Variants in RGS6 observed in about 807,000 individuals in gnomAD.
The protein encoded by RGS6 is regulator of G protein signaling 6.
Under a neutral mutation model 78.5 loss-of-function variants are expected in RGS6, and 30 were observed. That is an observed-to-expected ratio of 0.38 (90% CI 0.29 to 0.52). RGS6 has a LOEUF of 0.52. Ranked by LOEUF, RGS6 falls within the 20% of genes least tolerant of loss-of-function variation. The probability of loss-of-function intolerance (pLI) is 0.85; values close to 1 mark genes in which losing one functional copy is unlikely to be tolerated. For synonymous variants in RGS6, 206 were observed against 206.0 expected (o/e 1.00, Z 0.00); for missense variants, 495 against 609.7 (o/e 0.81, Z 1.98).
intron 2 of RGS6, among the ~76,000 whole-genome samples, chr14:72,075,309 T>G (rs2094537456): frequency 6.6e-6 from 1 of 152,210 alleles, no homozygotes; most frequent in Non-Finnish European, 1.5e-5. Flanking sequence ...AGACTCGGTT[T>G]CCTTATTTCC....
intron 2 of RGS6, among the ~76,000 whole-genome samples, chr14:72,131,763 T>C (rs1245784544): frequency 6.6e-6 from 1 of 152,222 alleles, no homozygotes; most frequent in Admixed American, 6.5e-5. Context: ...AAGCATTCCC[T>C]TCCTATTATT....
At chr14:72,450,901 T>C (rs189285047) in intron 3 of RGS6, among the ~76,000 whole-genome samples, 1 of 152,306 alleles carries the variant, frequency 6.6e-6, no homozygotes, top group East Asian at 1.9e-4. Context: ...ACTGTAAATG[T>C]TTTAAAGGAC....
At chr14:72,217,138 C>T (rs780887999) in intron 2 of RGS6, among the ~76,000 whole-genome samples, 5 of 152,098 alleles carry the variant, frequency 3.3e-5, no homozygotes, top group Non-Finnish European at 7.4e-5. Flanking sequence ...AAAGTGCCCC[C>T]CAAGAGTTAA....
intron 2 of RGS6, among the ~76,000 whole-genome samples, chr14:72,006,051 T>C (rs1274796801): frequency 6.6e-6 from 1 of 152,088 alleles, no homozygotes; most frequent in Non-Finnish European, 1.5e-5. Flanking sequence ...GGCTATAAAA[T>C]TTACCAAGCA....
chr14:72,315,759 A>G (rs2069978498), intron 2 of RGS6, among the ~76,000 whole-genome samples: 1 of 152,200 alleles, frequency 6.6e-6, no homozygotes, highest in Non-Finnish European at 1.5e-5. Flanking sequence ...TGAAGAGCCA[A>G]GACCCTTAGA....
chr14:71,966,434 C>T (rs728497), intron 2 of RGS6, among the ~76,000 whole-genome samples: 30,201 of 152,170 alleles, frequency 0.2, 3,205 homozygotes, highest in African/African-American at 0.28. Flanking sequence ...TGGGACTCAG[C>T]AATTAGTGAA....
At position 72,153,860 on chromosome 14, in the gene RGS6, A is replaced by T. The variant is rs143460024; in HGVS notation, c.84+188985A>T. Among the ~76,000 whole-genome samples the T allele has an allele frequency of 4.5e-3, 691 of 152,294 alleles. 7 individuals are homozygous for T. Among genetic ancestry groups the T allele is most frequent in the African/African-American group, 0.016 (653 of 41,542 alleles). On this transcript the variant is annotated intron_variant, in intron 2 of 17. Transcript: ENST00000553525. The stretch of plus-strand genomic sequence containing the variant: ...GTCTATGTTCAGTGGTGCACGTATT[A>T]TCTTGATAAACATCTTAAACAACAG...
chr14:72,503,531 A>G (rs1398727104), intron 13 of RGS6, among the ~76,000 whole-genome samples: 2 of 152,172 alleles, frequency 1.3e-5, no homozygotes, highest in African/African-American at 4.8e-5. Context: ...CTTCCAAACT[A>G]CAATGGTGGG....
At chr14:71,982,554 C>T (rs1267487481) in intron 2 of RGS6, among the ~76,000 whole-genome samples, 31 of 152,144 alleles carry the variant, frequency 2.0e-4, no homozygotes, top group Admixed American at 2.0e-3. Flanking sequence ...CTGTAGGGAG[C>T]CCTTCTGGTT....
intron 10 of RGS6, among the ~76,000 whole-genome samples, chr14:72,475,357 C>T (rs1384790855): frequency 2.0e-5 from 3 of 151,934 alleles, no homozygotes; most frequent in Non-Finnish European, 4.4e-5. Context: ...CAGACTCCCC[C>T]ACGATTCATA....
the RGS6 span, among the ~76,000 whole-genome samples, chr14:71,905,213 C>T: frequency 2.0e-5 from 3 of 152,210 alleles, no homozygotes; most frequent in Non-Finnish European, 4.4e-5. Context: ...GAGAGCTACA[C>T]GGACTTCTCA....
chr14:72,608,719 C>T, the RGS6 span, among the ~76,000 whole-genome samples: 186 of 152,304 alleles, frequency 1.2e-3, no homozygotes, highest in Admixed American at 4.2e-3. Context: ...GCCCACTGTG[C>T]CCATGAAAGC....
intron 3 of RGS6, among the ~76,000 whole-genome samples, chr14:72,439,440 T>A (rs1718081948): frequency 6.6e-6 from 1 of 152,244 alleles, no homozygotes; most frequent in South Asian, 2.1e-4. Context: ...GTGTGAGGCC[T>A]TTGTGAGCTC....
chr14:72,404,456 C>T (rs957659584), intron 3 of RGS6, among the ~76,000 whole-genome samples: 1 of 152,156 alleles, frequency 6.6e-6, no homozygotes, highest in African/African-American at 2.4e-5. Flanking sequence ...TGAGAACCAC[C>T]CTTTACCCCA....
At chr14:72,302,995 C>G (rs1316388552) in intron 2 of RGS6, among the ~76,000 whole-genome samples, 1 of 152,226 alleles carries the variant, frequency 6.6e-6, no homozygotes, top group Non-Finnish European at 1.5e-5. Flanking sequence ...CATGCCTTTG[C>G]TCCTCCTTTG....
At chr14:72,276,873 A>T (rs1262382605) in intron 2 of RGS6, among the ~76,000 whole-genome samples, 1 of 152,158 alleles carries the variant, frequency 6.6e-6, no homozygotes, top group African/African-American at 2.4e-5. Flanking sequence ...ATATTGAAAA[A>T]AAAAAAGTTG....
At chr14:72,014,226 A>G (rs2086477971) in intron 2 of RGS6, among the ~76,000 whole-genome samples, 1 of 152,208 alleles carries the variant, frequency 6.6e-6, no homozygotes, top group Non-Finnish European at 1.5e-5. Context: ...TAATGTTGAC[A>G]GTTAAGAGAG....
At chr14:72,198,532 A>G (rs1303474471) in intron 2 of RGS6, among the ~76,000 whole-genome samples, 4 of 152,206 alleles carry the variant, frequency 2.6e-5, no homozygotes, top group Non-Finnish European at 1.5e-5. Flanking sequence ...TGGGTTTTCT[A>G]TTAGAGTAAG....
intron 2 of RGS6, among the ~76,000 whole-genome samples, chr14:71,988,126 G>T (rs906707735): frequency 3.3e-5 from 5 of 152,112 alleles, no homozygotes; most frequent in Admixed American, 2.6e-4. Flanking sequence ...TCTGACCCTG[G>T]GCGCTAATGT....
Sources: gnomAD v4.1 joint callset for allele counts (sites outside exome capture counted in the v4.1 genomes callset) on GRCh38, gnomAD v4.1.1 for gene constraint, MANE v1.5 for transcripts, NCBI Gene and HGNC (gene_info 2026-07-23, HGNC 2026-07-21) for gene names.